Variants in VIPR1 observed in about 807,000 individuals in gnomAD.
VIPR1 encodes vasoactive intestinal peptide receptor 1.
VIPR1 carries 59 observed loss-of-function variants against 58.8 expected under a neutral mutation model. That is an observed-to-expected ratio of 1.00 (90% CI 0.81 to 1.25). VIPR1 has a LOEUF of 1.25. Among genes scored for constraint, VIPR1 ranks in the 50% most tolerant of loss-of-function variants. The pLI is 0.00. For missense variants in VIPR1, 626 were observed against 602.7 expected (o/e 1.04, Z -0.40); for synonymous variants, 251 against 242.1 (o/e 1.04, Z -0.34).
At chr3:42,501,964 A>T (rs368047919), upstream of VIPR1, 2 of 152,324 alleles carry the variant, frequency 1.3e-5, no homozygotes, top group African/African-American at 4.8e-5. The surrounding 1 kb of genome is among the most constrained non-coding windows in gnomAD (Gnocchi z 4.8). Flanking sequence ...CAGGGCACCC[A>T]ACAGGTGCTG....
rs192842911 is a variant in VIPR1, at chr3:42,504,725, G to A, written c.78+1912G>A. Among the ~76,000 whole-genome samples, 11 of 124,406 alleles carry A rather than the reference G, an allele frequency of 8.8e-5. No homozygotes were observed. The East Asian group carries it at 3.0e-3, about 34-fold the overall frequency. 81.6% of individuals were successfully genotyped at this position (124,406 alleles called of 152,430 possible). Reference sequence around the variant, plus strand: ...ACCAATCGCTCCCTCATGGAATGGGGCAAACCTGCTCTAGCCGGACTCGGT... The same window carrying A: ...ACCAATCGCTCCCTCATGGAATGGGACAAACCTGCTCTAGCCGGACTCGGT... On this transcript the variant is annotated intron_variant, in intron 1 of 12. Coordinates refer to ENST00000325123, the MANE Select transcript of VIPR1 (RefSeq NM_004624.4).
chr3:42,522,080 AATATAT>A (rs59106663), intron 3 of VIPR1, among the ~76,000 whole-genome samples: 3 of 53,010 alleles, frequency 5.7e-5, no homozygotes, highest in South Asian at 1.0e-3. Context: ...TCTACCTTCG[AATATAT>A]ATATATATAT....
At chr3:42,498,810 C>T (rs546394845), upstream of VIPR1, among the ~76,000 whole-genome samples, 1 of 152,246 alleles carries the variant, frequency 6.6e-6, no homozygotes, top group South Asian at 2.1e-4. Context: ...CAGATGAGTG[C>T]GGGTGTTGAG....
At chr3:42,526,077 G>A (rs1359261787) in intron 4 of VIPR1, 84 bp downstream of exon 4, 3 of 1,318,224 alleles carry the variant, frequency 2.3e-6, no homozygotes, top group Non-Finnish European at 3.2e-6. Flanking sequence ...GAGGGGTGTG[G>A]TTGCTGTCTG....
At chr3:42,497,133 G>A (rs1326314944) in intron 1 of VIPR1, among the ~76,000 whole-genome samples, 2 of 152,148 alleles carry the variant, frequency 1.3e-5, no homozygotes, top group East Asian at 1.9e-4. Context: ...GGAGGTTAGC[G>A]TGAGAACTTT....
intron 12 of VIPR1, 67 bp downstream of exon 12, chr3:42,535,451 G>C: frequency 6.5e-7 from 1 of 1,544,638 alleles, no homozygotes; most frequent in Non-Finnish European, 9.0e-7. Flanking sequence ...GGAAACATTG[G>C]TGGGATATGT....
At chr3:42,505,366 C>T (rs1022565795) in intron 1 of VIPR1, among the ~76,000 whole-genome samples, 57 of 152,226 alleles carry the variant, frequency 3.7e-4, no homozygotes, top group Non-Finnish European at 7.3e-4. Context: ...GGGAGAGGCT[C>T]GACTTCTCCC....
intron 2 of VIPR1, among the ~76,000 whole-genome samples, chr3:42,516,038 C>T (rs1267443013): frequency 6.6e-6 from 1 of 152,110 alleles, no homozygotes; most frequent in Non-Finnish European, 1.5e-5. Context: ...TGCATGTGTG[C>T]CTGGTGTTCT....
Position 42,532,240 on chromosome 3 carries a change from A to T in VIPR1, c.919-2A>T, listed in dbSNP as rs1400158091. On this transcript the variant is annotated splice_acceptor_variant, in intron 9 of 12. Coordinates refer to ENST00000325123, the MANE Select transcript of VIPR1 (RefSeq NM_004624.4). LOFTEE classifies it high-confidence loss of function. ...GCCCGAACTCGGGTCCCCACCCACT[A>T]GGTAAACTTCATCCTGTTTATTTGC... 2.0e-5 allele frequency: 33 copies of T among 1,613,984 alleles called. No homozygotes were observed. Among genetic ancestry groups the T allele is most frequent in the Non-Finnish European group, 2.6e-5 (31 of 1,179,996 alleles).
intron 9 of VIPR1, 180 bp from the exon 10 acceptor site, chr3:42,532,062 T>C (rs917172071): frequency 1.1e-6 from 1 of 892,306 alleles, no homozygotes; most frequent in Non-Finnish European, 1.8e-6. Context: ...GCACAGTCCT[T>C]AGGGATTTGA....
At chr3:42,519,189 G>C in intron 2 of VIPR1, 34 bp from the exon 3 acceptor site, 1 of 1,569,014 alleles carries the variant, frequency 6.4e-7, no homozygotes, top group East Asian at 2.3e-5. Context: ...CCTGCACTGT[G>C]CTCACCCATG....
chr3:42,511,062 C>T (rs1339085339), intron 1 of VIPR1, among the ~76,000 whole-genome samples: 5 of 152,164 alleles, frequency 3.3e-5, no homozygotes, highest in Admixed American at 1.3e-4. Flanking sequence ...TTGTTTACAG[C>T]GACCAACAGA....
In VIPR1 at chr3:42,535,035, C is replaced by A; in HGVS notation, c.1071C>A (p.Phe357Leu). ...TGTTTGGAGTACACTACATCATGTT[C>A]GCCTTCTTTCCGGACAATTTTAAGC... ...IPLFGVHYIM[F>L]AFFPDNFKPE... The change falls in exon 11 of 13, where the codon TTC becomes TTA. Residue 357 changes from phenylalanine to leucine, a missense_variant. Coordinates refer to ENST00000325123, the MANE Select transcript of VIPR1 (RefSeq NM_004624.4). 6.2e-7 allele frequency: 1 copy of A among 1,614,170 alleles called. No individual in the cohort carries two copies. Among genetic ancestry groups the A allele is most frequent in the Non-Finnish European group, 8.5e-7 (1 of 1,180,022 alleles).
rs377053285 is a variant in VIPR1, at chr3:42,530,876, C to T, written c.734C>T (p.Ala245Val). 2.4e-5 allele frequency: 39 copies of T among 1,613,998 alleles called. No homozygotes were observed. The highest frequency in any genetic ancestry group is 3.2e-5 in the Non-Finnish European group (38 of 1,179,980). The change falls in exon 7 of 13, where the codon GCC becomes GTC. Residue 245 changes from alanine to valine, a missense_variant. Ala to Val is a moderately conservative substitution (Grantham distance 64). Coordinates refer to ENST00000325123, the MANE Select transcript of VIPR1 (RefSeq NM_004624.4). ...VEGLYLYTLL[A>V]VSFFSERKYF... Reference sequence around the variant, plus strand: ...GGCCTCTACCTGTACACCCTGCTTGCCGTCTCCTTCTTCTCTGAGCGGAAG... The same window carrying T: ...GGCCTCTACCTGTACACCCTGCTTGTCGTCTCCTTCTTCTCTGAGCGGAAG...
intron 10 of VIPR1, 151 bp from the exon 11 acceptor site, chr3:42,534,824 G>T: frequency 9.8e-7 from 1 of 1,021,624 alleles, no homozygotes; most frequent in Non-Finnish European, 1.4e-6. Flanking sequence ...AGCAGACAAG[G>T]GCATAATATT....
intron 2 of VIPR1, among the ~76,000 whole-genome samples, chr3:42,517,844 T>G (rs1700711057): frequency 6.6e-6 from 1 of 152,158 alleles, no homozygotes; most frequent in Non-Finnish European, 1.5e-5. Flanking sequence ...GGTGTGGTGG[T>G]GGGCTCCTGT....
intron 3 of VIPR1, 60 bp downstream of exon 3, chr3:42,519,390 TCTCAAG>T: frequency 6.9e-7 from 1 of 1,446,516 alleles, no homozygotes. Context: ...GGGACTCACC[TCTCAAG>T]GAAGTGGAAA....
chr3:42,525,778 C>T lies in VIPR1; in HGVS notation c.293-109C>T, dbSNP rs570159494. 5.6e-4 allele frequency: 655 copies of T among 1,168,168 alleles called. 5 individuals carry two copies. In the East Asian group the frequency reaches 0.016, roughly 28 times the overall value. 72.4% of individuals were successfully genotyped at this position (1,168,168 alleles called of 1,614,324 possible). A position where few individuals can be genotyped will look rare whatever the true frequency, so the allele number is the denominator to read the frequency against. ...CAGGGCAGCTGGAACCTGACAGCACCAGGGTTGGTGGGAGTAGGGCTGAAT... is the reference window on the plus strand; with the variant it reads ...CAGGGCAGCTGGAACCTGACAGCACTAGGGTTGGTGGGAGTAGGGCTGAAT... On this transcript the variant is annotated intron_variant, in intron 3 of 12. Coordinates refer to ENST00000325123, the MANE Select transcript of VIPR1 (RefSeq NM_004624.4).
At chr3:42,514,392 A>T (rs2125646582) in intron 2 of VIPR1, among the ~76,000 whole-genome samples, 1 of 152,248 alleles carries the variant, frequency 6.6e-6, no homozygotes, top group Admixed American at 6.5e-5. Context: ...AAGCCATCTT[A>T]GTGGTCCCGA....
Sources: gnomAD v4.1 joint callset for allele counts (sites outside exome capture counted in the v4.1 genomes callset) on GRCh38, gnomAD v4.1.1 for gene constraint, Gnocchi (gnomAD v3.1) non-coding constraint, MANE v1.5 for transcripts, NCBI Gene and HGNC (gene_info 2026-07-23, HGNC 2026-07-21) for gene names.